MAP2: variants seen among roughly 807,000 people sequenced by gnomAD.
MAP2 encodes the protein microtubule associated protein 2, also known as microtubule-associated protein 2.
In MAP2, 14 loss-of-function variants were observed where a neutral mutation model predicts 137.6. The observed-to-expected ratio is 0.10, with a 90% confidence interval of 0.07 to 0.16. The LOEUF (loss-of-function observed/expected upper bound fraction) is 0.16, where lower values mean the gene tolerates loss of function less well. MAP2 is among the 10% of genes least tolerant of loss of function. MAP2 has a pLI of 1.00. For missense variants in MAP2, 2,088 were observed against 2,191.5 expected (o/e 0.95, Z 0.94); for synonymous variants, 786 against 782.3 (o/e 1.00, Z -0.08).
At chr2:209,440,815 G>C (rs140237272) in intron 1 of MAP2, among the ~76,000 whole-genome samples, 1 of 151,594 alleles carries the variant, frequency 6.6e-6, no homozygotes, top group Non-Finnish European at 1.5e-5. Flanking sequence ...CTACTGTGAT[G>C]AGCCATGTTA....
At chr2:209,492,626 G>A (rs1227543627) in intron 1 of MAP2, among the ~76,000 whole-genome samples, 1 of 152,090 alleles carries the variant, frequency 6.6e-6, no homozygotes, top group Non-Finnish European at 1.5e-5. Flanking sequence ...AAAATCACAA[G>A]CATTCCTATA....
At chr2:209,703,928 T>C (rs2062540706) in intron 11 of MAP2, 1 of 453,000 alleles carries the variant, frequency 2.2e-6, no homozygotes, top group South Asian at 1.6e-5. Flanking sequence ...AATAAAATGG[T>C]TTAGCATTAT....
chr2:209,718,939 G>A (rs542298909), intron 13 of MAP2, among the ~76,000 whole-genome samples: 20 of 152,298 alleles, frequency 1.3e-4, no homozygotes, highest in Admixed American at 9.8e-4. Flanking sequence ...AATATCTGAT[G>A]TAGTCATAGT....
rs538446969 is a variant in MAP2, at chr2:209,468,251, A to G, written c.-221-39341A>G. 2.7e-5 allele frequency among the ~76,000 whole-genome samples: 4 copies of G among 149,260 alleles called. No individual in the cohort carries two copies. The South Asian group carries it at 8.6e-4, about 32-fold the overall frequency. On this transcript the variant is annotated intron_variant, in intron 1 of 15. Transcript: ENST00000682079. ...ATCATTAATTTTTCACATCTCTCCT[A>G]GTAGGCTAATTTCAGTTTTTAGAAA...
chr2:209,724,893 G>A (rs753912658), intron 13 of MAP2, among the ~76,000 whole-genome samples: 1 of 152,208 alleles, frequency 6.6e-6, no homozygotes, highest in Non-Finnish European at 1.5e-5. Flanking sequence ...CACAAGTGCT[G>A]CTGGACAAAA....
chr2:209,698,524 T>C (rs1296808921), intron 10 of MAP2, among the ~76,000 whole-genome samples: 1 of 152,170 alleles, frequency 6.6e-6, no homozygotes, highest in Non-Finnish European at 1.5e-5. Context: ...AAAATCAAGG[T>C]AACTGATGGT....
chr2:209,449,896 A>G (rs999593893), intron 1 of MAP2, among the ~76,000 whole-genome samples: 1 of 152,104 alleles, frequency 6.6e-6, no homozygotes, highest in East Asian at 1.9e-4. Flanking sequence ...CTTTATGCAT[A>G]GGGAATTTTT....
At chr2:209,464,240 A>G (rs537177203) in intron 1 of MAP2, among the ~76,000 whole-genome samples, 7 of 152,282 alleles carry the variant, frequency 4.6e-5, no homozygotes, top group African/African-American at 1.2e-4. Context: ...CCTTGTTGAC[A>G]TAGCTTCAAT....
chr2:209,658,759 G>A (rs989092581), intron 5 of MAP2, among the ~76,000 whole-genome samples: 30 of 152,004 alleles, frequency 2.0e-4, no homozygotes, highest in African/African-American at 6.8e-4. Flanking sequence ...CACCCACCTC[G>A]ACCTCCCAAA....
chr2:209,501,206 T>C (rs2060339326), intron 1 of MAP2, among the ~76,000 whole-genome samples: 1 of 152,224 alleles, frequency 6.6e-6, no homozygotes, highest in Admixed American at 6.5e-5. Flanking sequence ...AGTAACAATT[T>C]CTGTAATTTG....
intron 4 of MAP2, among the ~76,000 whole-genome samples, chr2:209,640,257 C>T (rs2093913083): frequency 6.6e-6 from 1 of 152,094 alleles, no homozygotes; most frequent in Non-Finnish European, 1.5e-5. Flanking sequence ...TGTCTGTCAC[C>T]TCCTTCAACA....
chr2:209,539,018 G>A (rs1349992132), intron 2 of MAP2, among the ~76,000 whole-genome samples: 1 of 152,034 alleles, frequency 6.6e-6, no homozygotes, highest in African/African-American at 2.4e-5. Flanking sequence ...ATATTAGAAT[G>A]ATACACATCT....
In MAP2 at chr2:209,693,274, T is replaced by G; in HGVS notation, c.1104T>G (p.Ile368Met). Residue 368 changes from isoleucine to methionine, a missense_variant, in exon 8 of 16, where the codon ATT becomes ATG. Ile to Met is a conservative substitution (Grantham distance 10). This residue lies in a region of MAP2 where 859 missense variants were observed against 794.5 expected (regional missense o/e 1.08). Coordinates refer to ENST00000682079, the MANE Select transcript of MAP2 (RefSeq NM_001375505.1). ...GPATAKDSFK[I>M]EEPHEAKPDK... ...CTACTGCCAAAGATAGTTTTAAAATTGAAGAGCCCCATGAGGCTAAACCTG... is the reference window on the plus strand; with the variant it reads ...CTACTGCCAAAGATAGTTTTAAAATGGAAGAGCCCCATGAGGCTAAACCTG... The G allele has an allele frequency of 6.2e-7, 1 of 1,613,958 alleles. No homozygotes were observed. Among genetic ancestry groups the G allele is most frequent in the Non-Finnish European group, 8.5e-7 (1 of 1,179,970 alleles).
At chr2:209,586,201 T>G (rs2077670596) in intron 3 of MAP2, among the ~76,000 whole-genome samples, 1 of 152,134 alleles carries the variant, frequency 6.6e-6, no homozygotes, top group Non-Finnish European at 1.5e-5. Flanking sequence ...AGTGCGCTTT[T>G]GCTGCTTATT....
At chr2:209,560,849 C>T (rs1278139814) in intron 2 of MAP2, among the ~76,000 whole-genome samples, 3 of 151,818 alleles carry the variant, frequency 2.0e-5, no homozygotes, top group Non-Finnish European at 2.9e-5. Flanking sequence ...TTGCTTTTGC[C>T]GTATCACTTT....
intron 1 of MAP2, among the ~76,000 whole-genome samples, chr2:209,468,731 G>T (rs1192009313): frequency 6.6e-6 from 1 of 152,070 alleles, no homozygotes; most frequent in Non-Finnish European, 1.5e-5. Context: ...TTTGCAAACT[G>T]CACCAATAGA....
chr2:209,539,219 G>T (rs746681224), intron 2 of MAP2, among the ~76,000 whole-genome samples: 1 of 152,094 alleles, frequency 6.6e-6, no homozygotes, highest in Non-Finnish European at 1.5e-5. Context: ...GATTGTTTCT[G>T]CTCTTATAAA....
chr2:209,500,471 AC>A (rs2150108552), intron 1 of MAP2, among the ~76,000 whole-genome samples: 1 of 151,998 alleles, frequency 6.6e-6, no homozygotes, highest in South Asian at 2.1e-4. Flanking sequence ...AAAATCCCTT[AC>A]CTCCTTCAAG....
intron 11 of MAP2, among the ~76,000 whole-genome samples, chr2:209,702,766 C>T (rs1446260336): frequency 2.0e-5 from 3 of 151,878 alleles, no homozygotes; most frequent in African/African-American, 7.3e-5. Flanking sequence ...TTGTGCTGAC[C>T]CAATTACACT....
Sources: allele counts gnomAD v4.1 joint callset (sites outside exome capture counted in the v4.1 genomes callset), GRCh38; gene constraint gnomAD v4.1.1; regional missense constraint gnomAD v4.1.1; transcripts MANE v1.5; gene names NCBI Gene and HGNC (gene_info 2026-07-23, HGNC 2026-07-21).